ZNF79: variants seen among roughly 807,000 people sequenced by gnomAD.
ZNF79 encodes the protein ZNFpT7.
ZNF79 carries 13 observed loss-of-function variants against 14.9 expected under a neutral mutation model. That is an observed-to-expected ratio of 0.87 (90% CI 0.57 to 1.38). The LOEUF (loss-of-function observed/expected upper bound fraction) is 1.38. Among genes scored for constraint, ZNF79 ranks in the 40% most tolerant of loss-of-function variants. The pLI, the probability that ZNF79 is intolerant of heterozygous loss-of-function variation, is 0.00. For missense variants in ZNF79, 631 were observed against 630.6 expected (o/e 1.00, Z -0.01); for synonymous variants, 223 against 235.1 (o/e 0.95, Z 0.47).
At position 127,424,462 on chromosome 9, in the gene ZNF79, T is replaced by C. The variant is rs1242426363; in HGVS notation, c.-326T>C. 1.8e-5 allele frequency: 6 copies of C among 331,474 alleles called. No individual in the cohort carries two copies. Among genetic ancestry groups the C allele is most frequent in the Non-Finnish European group, 3.5e-5 (6 of 173,570 alleles). 20.5% of individuals were successfully genotyped at this position (331,474 alleles called of 1,614,324 possible). A position where few individuals can be genotyped will look rare whatever the true frequency, so the allele number is the denominator to read the frequency against. The stretch of plus-strand genomic sequence containing the variant: ...GACAGCGGTTCTTGAGCTCTCGCGG[T>C]TGCCGGTAGATTGTTGCCAGTTGCC... On this transcript the variant is annotated 5_prime_UTR_variant, in exon 1 of 5. Coordinates refer to ENST00000342483, the MANE Select transcript of ZNF79 (RefSeq NM_007135.3).
chr9:127,437,942 C>T (rs1186276010), intron 4 of ZNF79, among the ~76,000 whole-genome samples: 3 of 152,012 alleles, frequency 2.0e-5, no homozygotes, highest in Non-Finnish European at 1.5e-5. Context: ...ACAGTGGCCC[C>T]AAAGGTTAAA....
intron 4 of ZNF79, among the ~76,000 whole-genome samples, chr9:127,439,823 A>T (rs1310183093): frequency 1.3e-5 from 2 of 152,230 alleles, no homozygotes; most frequent in African/African-American, 4.8e-5. Context: ...GTTTCTGCTT[A>T]CATCTTCGTG....
chr9:127,424,860 AC>A, intron 1 of ZNF79, 57 bp downstream of exon 1: 1 of 1,610,880 alleles, frequency 6.2e-7, no homozygotes, highest in Non-Finnish European at 8.5e-7. Flanking sequence ...TCGTTTGCCC[AC>A]GACTGCCGCT....
At chr9:127,425,605 GTTTTT>G (rs1404734645) in intron 1 of ZNF79, among the ~76,000 whole-genome samples, 1 of 151,858 alleles carries the variant, frequency 6.6e-6, no homozygotes, top group African/African-American at 2.4e-5. Flanking sequence ...GTTTTGTTTT[GTTTTT>G]GAGACAGAGT....
intron 4 of ZNF79, among the ~76,000 whole-genome samples, chr9:127,439,259 GAC>G (rs1422058228): frequency 1.3e-5 from 2 of 151,764 alleles, no homozygotes; most frequent in African/African-American, 4.8e-5. Flanking sequence ...GAATATGAAA[GAC>G]ACATAATCCC....
rs1256845744 is a variant in ZNF79 at position 127,435,214 on chromosome 9, T to C, written c.230T>C (p.Leu77Pro). 3 of 1,584,318 alleles carry C rather than the reference T, an allele frequency of 1.9e-6. No individual in the cohort carries two copies. The highest frequency in any genetic ancestry group is 2.6e-6 in the Non-Finnish European group (3 of 1,171,096). The change falls in exon 3 of 5, where the codon CTA (leucine) becomes CCA (proline). Residue 77 changes from leucine to proline, a missense_variant and splice_region_variant. Leu to Pro is a moderately conservative substitution (Grantham distance 98, BLOSUM62 -3). Coordinates refer to ENST00000342483, the MANE Select transcript of ZNF79 (RefSeq NM_007135.3). ...IPGKSRSLVL[L>P]GLPVSQPGMN... ...GGAAAGTCCAGGAGCCTTGTCCTAC[T>C]AGGTAAGGAAACTGTTTCTTTAAGA...
intron 4 of ZNF79, among the ~76,000 whole-genome samples, chr9:127,436,886 A>C (rs1388617185): frequency 1.3e-5 from 2 of 151,978 alleles, no homozygotes; most frequent in African/African-American, 4.8e-5. Context: ...GTAAAACCCC[A>C]TCTCAACTAA....
In ZNF79 at chr9:127,445,072, T is replaced by G; in HGVS notation, c.1372T>G (p.Ser458Ala). 6.2e-7 allele frequency: 1 copy of G among 1,609,740 alleles called. No homozygotes were observed. Among genetic ancestry groups the G allele is most frequent in the Non-Finnish European group, 8.5e-7 (1 of 1,178,886 alleles). ...NECGKAFNQS[S>A]SLSQHQRIHT... ...GTGTGGTAAAGCGTTTAACCAGAGC[T>G]CATCCCTTAGTCAGCATCAGAGAAT... Residue 458 changes from serine (S) to alanine (A), a missense_variant, in exon 5 of 5, where the codon TCA becomes GCA. Coordinates refer to ENST00000342483, the MANE Select transcript of ZNF79 (RefSeq NM_007135.3).
intron 4 of ZNF79, among the ~76,000 whole-genome samples, chr9:127,443,238 C>T (rs2265816): frequency 0.42 from 64,358 of 151,494 alleles, 14,587 homozygotes; most frequent in Middle Eastern, 0.5. Flanking sequence ...TCCAGGAGTT[C>T]GAGACCAGCC....
At position 127,444,524 on chromosome 9, in the gene ZNF79, A is replaced by G. The variant is rs770219664; in HGVS notation, c.824A>G (p.Lys275Arg). 1.2e-6 allele frequency: 2 copies of G among 1,614,034 alleles called. No homozygotes were observed. The highest frequency in any genetic ancestry group is 1.7e-6 in the Non-Finnish European group (2 of 1,179,888). ...CACCAGCGAACCCACACCGGAGAGAAGCCCTACAGATGCAGCGAGTGTGAG... is the reference window on the plus strand; with the variant it reads ...CACCAGCGAACCCACACCGGAGAGAGGCCCTACAGATGCAGCGAGTGTGAG... ...TKHQRTHTGE[K>R]PYRCSECEKA... Residue 275 changes from lysine to arginine, a missense_variant, in exon 5 of 5, where the codon AAG becomes AGG. Physicochemically the swap from Lys to Arg is conservative, Grantham distance 26. Transcript: ENST00000342483.
chr9:127,429,161 G>C (rs1190903422), intron 2 of ZNF79, among the ~76,000 whole-genome samples: 3 of 151,988 alleles, frequency 2.0e-5, no homozygotes, highest in South Asian at 2.1e-4. Context: ...TTACAGGCAC[G>C]CATCACCACA....
intron 1 of ZNF79, 26 bp from the exon 2 acceptor site, chr9:127,428,806 T>C: frequency 6.5e-7 from 1 of 1,532,078 alleles, no homozygotes; most frequent in Non-Finnish European, 8.8e-7. Flanking sequence ...GCTTTTAACA[T>C]TATTAGTTTT....
intron 4 of ZNF79, among the ~76,000 whole-genome samples, chr9:127,443,639 C>T (rs536014578): frequency 2.8e-4 from 42 of 152,194 alleles, no homozygotes; most frequent in African/African-American, 8.4e-4. Flanking sequence ...CGGTGGCTCA[C>T]GCCTGTAATC....
rs369776930 is a variant in ZNF79, at chr9:127,444,228, C to T, written c.528C>T (p.Thr176=). 27 of 1,613,942 alleles carry T rather than the reference C, an allele frequency of 1.7e-5. No individual in the cohort carries two copies. Among genetic ancestry groups the T allele is most frequent in the Admixed American group, 5.0e-5 (3 of 59,990 alleles). ...EARPRKCETH[T]ESFKNSEILK... is the part of the protein sequence containing the mutation. ...GACCTCGCAAATGTGAGACACACACCGAGAGCTTCAAGAACTCGGAAATCC... is the reference window on the plus strand; with the variant it reads ...GACCTCGCAAATGTGAGACACACACTGAGAGCTTCAAGAACTCGGAAATCC... Residue 176 remains threonine, a synonymous_variant, in exon 5 of 5, where the codon ACC becomes ACT. Coordinates refer to ENST00000342483, the MANE Select transcript of ZNF79 (RefSeq NM_007135.3).
chr9:127,435,961 G>A lies in ZNF79; in HGVS notation c.286G>A (p.Ala96Thr), dbSNP rs368686424. The A allele has an allele frequency of 1.8e-5, 29 of 1,614,120 alleles. No individual in the cohort carries two copies. The highest frequency in any genetic ancestry group is 4.4e-5 in the South Asian group (4 of 91,090). ...MNSQLEQREG[A>T]WMLEGEDLRS... ...CTCCCAGTTGGAACAAAGGGAAGGCGCATGGATGCTGGAGGGCGAAGACCT... is the reference window on the plus strand; with the variant it reads ...CTCCCAGTTGGAACAAAGGGAAGGCACATGGATGCTGGAGGGCGAAGACCT... The change falls in exon 4 of 5, where the codon GCA becomes ACA. Residue 96 changes from alanine to threonine, a missense_variant. Coordinates refer to ENST00000342483, the MANE Select transcript of ZNF79 (RefSeq NM_007135.3).
chr9:127,443,220 C>T (rs1349321935), intron 4 of ZNF79, among the ~76,000 whole-genome samples: 1 of 151,736 alleles, frequency 6.6e-6, no homozygotes, highest in Non-Finnish European at 1.5e-5. Context: ...GCAGGAGGGT[C>T]GCTTGAGTCC....
intron 1 of ZNF79, among the ~76,000 whole-genome samples, chr9:127,426,059 C>A (rs1225269864): frequency 6.6e-6 from 1 of 152,200 alleles, no homozygotes; most frequent in African/African-American, 2.4e-5. Flanking sequence ...AGATAACTCT[C>A]AGTAACAGAA....
At chr9:127,437,909 G>A (rs549674702) in intron 4 of ZNF79, among the ~76,000 whole-genome samples, 2 of 152,162 alleles carry the variant, frequency 1.3e-5, no homozygotes, top group South Asian at 2.1e-4. Context: ...TTGACATGAT[G>A]TGGGGGCACT....
chr9:127,437,060 T>TAAAA (rs769977106), intron 4 of ZNF79, among the ~76,000 whole-genome samples: 3 of 123,788 alleles, frequency 2.4e-5, no homozygotes, highest in African/African-American at 3.0e-5. Flanking sequence ...AACTCTGTCT[T>TAAAA]AAAAAAAAAA....
Sources: allele counts gnomAD v4.1 joint callset (sites outside exome capture counted in the v4.1 genomes callset), GRCh38; gene constraint gnomAD v4.1.1; transcripts MANE v1.5; gene names NCBI Gene and HGNC (gene_info 2026-07-23, HGNC 2026-07-21).